Variants in FHOD3 observed in about 807,000 individuals in gnomAD.
FHOD3 encodes the protein formin homology 2 domain containing 3, also known as FH1/FH2 domain-containing protein 3.
Under a neutral mutation model 173.0 loss-of-function variants are expected in FHOD3, and 90 were observed. The observed-to-expected ratio is 0.52, with a 90% CI of 0.44 to 0.62. The LOEUF is 0.62. FHOD3 is among the 20% of genes least tolerant of loss of function. The probability of loss-of-function intolerance (pLI) is 0.00; values close to 1 mark genes in which losing one functional copy is unlikely to be tolerated. For missense variants in FHOD3, 1,945 were observed against 2,034.7 expected (o/e 0.96, Z 0.85); for synonymous variants, 828 against 823.0 (o/e 1.01, Z -0.10).
At chr18:36,637,431 T>A (rs1289268674) in intron 10 of FHOD3, among the ~76,000 whole-genome samples, 1 of 152,110 alleles carries the variant, frequency 6.6e-6, no homozygotes, top group East Asian at 1.9e-4. Flanking sequence ...AATTTTTGTA[T>A]TTTTAGTAGA....
At chr18:36,429,561 G>T (rs928703602) in intron 3 of FHOD3, among the ~76,000 whole-genome samples, 20 of 152,174 alleles carry the variant, frequency 1.3e-4, no homozygotes, top group Non-Finnish European at 2.8e-4. Context: ...CATGGGAGAA[G>T]AGAACAGCTT....
chr18:36,644,068 G>T (rs972463684), intron 10 of FHOD3, among the ~76,000 whole-genome samples: 4 of 152,170 alleles, frequency 2.6e-5, no homozygotes, highest in African/African-American at 9.7e-5. Context: ...TGGTCAGGCT[G>T]CAGGCCTCTG....
intron 18 of FHOD3, chr18:36,711,295 T>G (rs756650643): frequency 1.6e-4 from 24 of 152,172 alleles, no homozygotes; most frequent in Admixed American, 6.5e-4. Context: ...AGAGCAACCT[T>G]AGAGATAAAA....
intron 1 of FHOD3, among the ~76,000 whole-genome samples, chr18:36,346,187 G>A (rs536852357): frequency 5.9e-5 from 9 of 152,096 alleles, no homozygotes. Context: ...GCAACATGGC[G>A]AGGCCTTGTT....
chr18:36,519,567 G>C (rs1339316762), intron 5 of FHOD3, among the ~76,000 whole-genome samples: 1 of 152,210 alleles, frequency 6.6e-6, no homozygotes, highest in East Asian at 1.9e-4. Context: ...TCTGTGGCCT[G>C]ATGGCTGTCA....
intron 5 of FHOD3, among the ~76,000 whole-genome samples, chr18:36,559,129 G>A (rs1417418024): frequency 6.6e-6 from 1 of 152,146 alleles, no homozygotes; most frequent in Non-Finnish European, 1.5e-5. Flanking sequence ...ACTTACTCCT[G>A]GTCTTTGACA....
intron 3 of FHOD3, among the ~76,000 whole-genome samples, chr18:36,467,535 G>A (rs540248387): frequency 1.0e-3 from 154 of 152,274 alleles, no homozygotes; most frequent in African/African-American, 3.5e-3. Context: ...CACTCCAGGA[G>A]GGTGCTGTGA....
chr18:36,547,697 C>T (rs1000083557), intron 5 of FHOD3, among the ~76,000 whole-genome samples: 3 of 152,174 alleles, frequency 2.0e-5, no homozygotes, highest in African/African-American at 7.2e-5. Flanking sequence ...GAAGGAACGT[C>T]GCAGTGTCTG....
intron 3 of FHOD3, among the ~76,000 whole-genome samples, chr18:36,457,838 C>T (rs865912858): frequency 7.2e-5 from 11 of 152,146 alleles, no homozygotes; most frequent in Non-Finnish European, 1.6e-4. Flanking sequence ...TCTGCTGAAT[C>T]GGATGTTACA....
At chr18:36,340,888 C>T (rs767240167) in intron 1 of FHOD3, among the ~76,000 whole-genome samples, 23 of 152,134 alleles carry the variant, frequency 1.5e-4, no homozygotes, top group Non-Finnish European at 2.9e-4. Flanking sequence ...CCGTCTGCCT[C>T]GGTCTCCCAA....
chr18:36,582,414 G>A (rs2058884889), intron 6 of FHOD3, among the ~76,000 whole-genome samples: 2 of 152,204 alleles, frequency 1.3e-5, no homozygotes, highest in East Asian at 3.8e-4. Flanking sequence ...GACATCATCA[G>A]TCCCATTCCT....
rs115412828 is a variant in FHOD3 at position 36,773,382 on chromosome 18, G to T, written c.4786+3956G>T. ...TTGAGGGGAGGCATAGGGTTCCCAT[G>T]GTGGTACTCAGGGAGGTGCCATGCA... On this transcript the variant is annotated intron_variant, in intron 28 of 28. Coordinates refer to ENST00000590592, the MANE Select transcript of FHOD3 (RefSeq NM_001281740.3). 5.3e-3 allele frequency among the ~76,000 whole-genome samples: 801 copies of T among 152,304 alleles called. 11 individuals are homozygous for T. The highest frequency in any genetic ancestry group is 0.018 in the African/African-American group (748 of 41,574).
intron 14 of FHOD3, among the ~76,000 whole-genome samples, chr18:36,667,347 A>G (rs978195203): frequency 8.6e-4 from 131 of 152,346 alleles, no homozygotes; most frequent in African/African-American, 3.1e-3. Flanking sequence ...GATGAAATGG[A>G]AGAATTTCTT....
At chr18:36,298,983 T>G (rs975047857) in intron 1 of FHOD3, among the ~76,000 whole-genome samples, 2 of 152,118 alleles carry the variant, frequency 1.3e-5, no homozygotes, top group African/African-American at 4.8e-5. Flanking sequence ...GATGATTTAT[T>G]TCTTGAGGGT....
intron 3 of FHOD3, among the ~76,000 whole-genome samples, chr18:36,395,479 C>T (rs2146557891): frequency 6.6e-6 from 1 of 152,252 alleles, no homozygotes; most frequent in African/African-American, 2.4e-5. Flanking sequence ...TTTTGTGTGT[C>T]TGAAACTCAT....
At chr18:36,688,553 C>T (rs771365379) in intron 16 of FHOD3, among the ~76,000 whole-genome samples, 11 of 152,168 alleles carry the variant, frequency 7.2e-5, no homozygotes, top group Non-Finnish European at 1.6e-4. Context: ...AAATAGGAAG[C>T]TTATATTTCT....
intron 3 of FHOD3, among the ~76,000 whole-genome samples, chr18:36,389,402 A>G (rs573024316): frequency 1.7e-4 from 26 of 152,344 alleles, no homozygotes; most frequent in African/African-American, 5.5e-4. Context: ...GAGAATGCAC[A>G]GGGTTCTTCT....
chr18:36,321,359 C>G (rs962877428), intron 1 of FHOD3, among the ~76,000 whole-genome samples: 3 of 152,082 alleles, frequency 2.0e-5, no homozygotes, highest in African/African-American at 7.2e-5. Context: ...TGGGGGTCCC[C>G]TCTCTGTAAT....
At chr18:36,600,230 G>A (rs2031149391) in intron 7 of FHOD3, among the ~76,000 whole-genome samples, 1 of 146,866 alleles carries the variant, frequency 6.8e-6, no homozygotes, top group Non-Finnish European at 1.5e-5. Flanking sequence ...TATGATTCCA[G>A]TACAGGAACC....
Sources: gnomAD v4.1 joint callset for allele counts (sites outside exome capture counted in the v4.1 genomes callset) on GRCh38, gnomAD v4.1.1 for gene constraint, MANE v1.5 for transcripts, NCBI Gene and HGNC (gene_info 2026-07-23, HGNC 2026-07-21) for gene names.